The following NUP205 variants were observed in gnomAD, a reference collection of about 807,000 sequenced individuals.
NUP205 encodes nuclear pore complex protein Nup205.
NUP205 carries 76 observed loss-of-function variants against 253.8 expected under a neutral mutation model. The ratio of observed to expected loss-of-function variants is 0.30; its 90% CI spans 0.25 to 0.36. NUP205 has a LOEUF of 0.36. NUP205 is among the 10% of genes least tolerant of loss of function. NUP205 has a pLI of 1.00. For missense variants in NUP205, 2,162 were observed against 2,425.5 expected, an observed-to-expected ratio of 0.89 and a Z score of 2.28; for synonymous variants, 832 against 850.1, an observed-to-expected ratio of 0.98 and a Z score of 0.37.
intron 38 of NUP205, among the ~76,000 whole-genome samples, chr7:135,640,392 G>A (rs576484801): frequency 1.3e-4 from 20 of 152,288 alleles, no homozygotes; most frequent in African/African-American, 4.8e-4. Context: ...TAGGTATACA[G>A]TTTGAATGCT....
chr7:135,597,750 A>G (rs562420569), intron 14 of NUP205: 132 of 476,292 alleles, frequency 2.8e-4, no homozygotes, highest in African/African-American at 2.3e-3. Context: ...CTCTTTTAAA[A>G]GAAACATTAA....
intron 13 of NUP205, among the ~76,000 whole-genome samples, chr7:135,596,855 G>A (rs1035234828): frequency 6.6e-6 from 1 of 151,636 alleles, no homozygotes; most frequent in African/African-American, 2.4e-5. Flanking sequence ...TACTCTGGAG[G>A]CTGAGGCAGG....
chr7:135,579,687 C>T lies in NUP205; in HGVS notation c.1042+772C>T, dbSNP rs537104406. On this transcript the variant is annotated intron_variant, in intron 7 of 42. Coordinates refer to ENST00000285968, the MANE Select transcript of NUP205 (RefSeq NM_015135.3). Reference sequence around the variant, plus strand: ...AATCCCGACTTTTCTTTTTTGTGGCCCAGGCTGGAGTGCAGTGGCTCGATC... The same window carrying T: ...AATCCCGACTTTTCTTTTTTGTGGCTCAGGCTGGAGTGCAGTGGCTCGATC... 3.9e-5 allele frequency among the ~76,000 whole-genome samples: 6 copies of T among 151,930 alleles called. No homozygotes were observed. The East Asian group carries it at 1.2e-3, about 29-fold the overall frequency.
intron 15 of NUP205, chr7:135,598,770 G>A (rs1405139473): frequency 1.3e-5 from 2 of 152,672 alleles, no homozygotes; most frequent in Non-Finnish European, 2.9e-5. Context: ...CACGTGGCAG[G>A]TACTATTTAA....
chr7:135,599,964 T>A (rs976834458), intron 15 of NUP205, among the ~76,000 whole-genome samples: 1 of 152,158 alleles, frequency 6.6e-6, no homozygotes, highest in Non-Finnish European at 1.5e-5. Context: ...TTAAATAAAA[T>A]TTTTTGAAAA....
chr7:135,617,538 T>A (rs1427877813), intron 26 of NUP205, 64 bp from the exon 27 acceptor site: 1 of 1,208,720 alleles, frequency 8.3e-7, no homozygotes, highest in Non-Finnish European at 1.2e-6. Context: ...TGGTAATTGC[T>A]AGGTGTTACT....
intron 7 of NUP205, among the ~76,000 whole-genome samples, chr7:135,579,439 C>T (rs1160798262): frequency 6.6e-6 from 1 of 152,080 alleles, no homozygotes; most frequent in Non-Finnish European, 1.5e-5. Context: ...GGTGATCCGA[C>T]TGCCTTGGCC....
chr7:135,593,260 C>A, intron 12 of NUP205, 68 bp downstream of exon 12: 1 of 1,338,738 alleles, frequency 7.5e-7, no homozygotes, highest in Non-Finnish European at 1.1e-6. Context: ...GAGCCCCAAA[C>A]ATTTTCTTTT....
At chr7:135,618,695 T>G in intron 28 of NUP205, 92 bp downstream of exon 28, 2 of 1,130,102 alleles carry the variant, frequency 1.8e-6, no homozygotes. Flanking sequence ...CCATTTTCGA[T>G]TGGGAGTAAA....
At chr7:135,597,236 A>T (rs1793860367) in intron 13 of NUP205, 132 bp from the exon 14 acceptor site, 2 of 596,058 alleles carry the variant, frequency 3.4e-6, no homozygotes, top group Non-Finnish European at 6.1e-6. Flanking sequence ...GGACTAATTG[A>T]TTGTCATTTT....
In NUP205 at chr7:135,644,922, G is replaced by T. The variant is rs151281559; in HGVS notation, c.5587G>T (p.Val1863Phe). The T allele has an allele frequency of 3.7e-6, 6 of 1,614,044 alleles. No homozygotes were observed. The East Asian group carries it at 1.3e-4, about 36-fold the overall frequency. The change falls in exon 40 of 43, where the codon GTT (valine) becomes TTT (phenylalanine). Residue 1863 changes from valine to phenylalanine, a missense_variant. Physicochemically the swap from Val to Phe is conservative, Grantham distance 50. Transcript: ENST00000285968. ...GTGTCAGTCTGTGATGCCTGCTGGT[G>T]TTGATAAAATCTCCACTGCTCAGAA... is the stretch of plus-strand genomic sequence containing the variant. ...ELCQSVMPAG[V>F]DKISTAQKYV...
chr7:135,584,300 T>C (rs1806397795), intron 7 of NUP205, among the ~76,000 whole-genome samples: 1 of 152,198 alleles, frequency 6.6e-6, no homozygotes, highest in Non-Finnish European at 1.5e-5. Context: ...TATTTTTAGA[T>C]ATATATTGGA....
chr7:135,599,344 A>C (rs1376375576), intron 15 of NUP205, among the ~76,000 whole-genome samples: 1 of 152,154 alleles, frequency 6.6e-6, no homozygotes, highest in African/African-American at 2.4e-5. Flanking sequence ...GTCACAAATA[A>C]TTGAAGTTCT....
intron 35 of NUP205, among the ~76,000 whole-genome samples, chr7:135,632,921 T>G (rs553347796): frequency 1.3e-4 from 20 of 152,174 alleles, no homozygotes; most frequent in Admixed American, 2.6e-4. Flanking sequence ...GTTTTCCAGT[T>G]GTGAGATAGT....
At position 135,571,298 on chromosome 7, in the gene NUP205, C is replaced by T. The variant is rs76038385; in HGVS notation, c.171+51C>T. 0.02 allele frequency: 23,518 copies of T among 1,174,900 alleles called. 552 individuals are homozygous for T. The highest frequency in any genetic ancestry group is 0.097 in the South Asian group (3,656 of 37,832). 72.8% of individuals were successfully genotyped at this position (1,174,900 alleles called of 1,614,324 possible). ...TTTGGGATTTTTTTTTTTTTAAGAT[C>T]GAGGAAGGAAGTAAACTCTTTTCTT... is the stretch of plus-strand genomic sequence containing the variant. On this transcript the variant is annotated intron_variant, in intron 2 of 42. Coordinates refer to ENST00000285968, the MANE Select transcript of NUP205 (RefSeq NM_015135.3).
intron 37 of NUP205, among the ~76,000 whole-genome samples, 196 bp downstream of exon 37, chr7:135,638,255 C>T (rs1205262504): frequency 2.6e-5 from 4 of 151,516 alleles, no homozygotes; most frequent in Non-Finnish European, 5.9e-5. Flanking sequence ...ACTAAAAATA[C>T]AAAAAAAATT....
intron 31 of NUP205, among the ~76,000 whole-genome samples, chr7:135,623,256 C>T (rs1294634716): frequency 6.6e-6 from 1 of 152,140 alleles, no homozygotes; most frequent in East Asian, 1.9e-4. Context: ...TCACTCCAGC[C>T]TGGGCTGCAG....
At chr7:135,603,818 T>G (rs1264875537) in intron 18 of NUP205, among the ~76,000 whole-genome samples, 1 of 152,136 alleles carries the variant, frequency 6.6e-6, no homozygotes, top group Non-Finnish European at 1.5e-5. Flanking sequence ...CCGAAATCTC[T>G]AAGTCTAAAA....
chr7:135,610,292 C>G (rs374916085), intron 22 of NUP205, among the ~76,000 whole-genome samples: 2 of 152,196 alleles, frequency 1.3e-5, no homozygotes, highest in East Asian at 3.9e-4. Flanking sequence ...ACGATCTCAG[C>G]TCACCGCAAC....
Sources: gnomAD v4.1 joint callset for allele counts (sites outside exome capture counted in the v4.1 genomes callset) on GRCh38, gnomAD v4.1.1 for gene constraint, MANE v1.5 for transcripts, NCBI Gene and HGNC (gene_info 2026-07-23, HGNC 2026-07-21) for gene names.